ABCC9: variants seen among roughly 807,000 people sequenced by gnomAD.
ABCC9 encodes the protein ATP-binding cassette sub-family C member 9.
A neutral mutation model predicts 188.3 loss-of-function variants in ABCC9; 95 were observed. The observed-to-expected ratio is 0.50, with a 90% CI of 0.43 to 0.60. The LOEUF (loss-of-function observed/expected upper bound fraction) is 0.60, where lower values mean the gene tolerates loss of function less well. Ranked by LOEUF, ABCC9 falls within the 20% of genes least tolerant of loss-of-function variation. ABCC9 has a pLI of 0.00. For missense variants in ABCC9, 1,102 were observed against 1,876.3 expected (o/e 0.59, Z 7.62); for synonymous variants, 659 against 652.7 (o/e 1.01, Z -0.15).
rs1191961292 is a variant in ABCC9 at position 21,799,170 on chromosome 12, C to T, written c.*1874G>A. ...CTAGATGACGAGTTAGTGGGTGCAGCGCACCAGCATGGCACATGTATATAT... is the reference window on the plus strand; with the variant it reads ...CTAGATGACGAGTTAGTGGGTGCAGTGCACCAGCATGGCACATGTATATAT... On this transcript the variant is annotated 3_prime_UTR_variant, in exon 40 of 40. Transcript: ENST00000261200. 13 of 148,388 alleles carry T rather than the reference C, an allele frequency of 8.8e-5. No individual in the cohort carries two copies. Among genetic ancestry groups the T allele is most frequent in the Middle Eastern group, 6.8e-3 (2 of 292 alleles). The allele number at this position is 148,388 out of a possible 1,614,324, so 9.2% of individuals were successfully genotyped here.
At chr12:21,851,199 C>T (rs566521664) in intron 24 of ABCC9, among the ~76,000 whole-genome samples, 1 of 152,210 alleles carries the variant, frequency 6.6e-6, no homozygotes, top group African/African-American at 2.4e-5. Context: ...ACTTTGTACT[C>T]CCAACTCAAG....
intron 6 of ABCC9, among the ~76,000 whole-genome samples, chr12:21,916,670 T>C (rs953320461): frequency 6.6e-6 from 1 of 152,204 alleles, no homozygotes; most frequent in Admixed American, 6.6e-5. Flanking sequence ...CAATTTCTTC[T>C]GTAATATAAA....
Position 21,841,347 on chromosome 12 carries a change from C to CTT in ABCC9, c.3473+965_3473+966dup, listed in dbSNP as rs1174314931. Among the ~76,000 whole-genome samples the CTT allele has an allele frequency of 5.1e-3, 100 of 19,570 alleles. 2 individuals carry two copies. The highest frequency in any genetic ancestry group is 0.011 in the African/African-American group (42 of 3,802). The allele number at this position is 19,570 out of a possible 152,430, so 12.8% of individuals were successfully genotyped here. On this transcript the variant is annotated intron_variant, in intron 29 of 39. Transcript: ENST00000261200. ...TCTTTGGGATTATGTTTCTGGTTTC[C>CTT]TTTTTTTTTTTTTTTTTTTTTTTTT...
At chr12:21,878,083 T>C (rs2137620849) in intron 16 of ABCC9, among the ~76,000 whole-genome samples, 1 of 152,286 alleles carries the variant, frequency 6.6e-6, no homozygotes, top group African/African-American at 2.4e-5. Context: ...TGTCAGTGAC[T>C]GACTAGTCTA....
chr12:21,887,666 T>C (rs1362818429), intron 15 of ABCC9, among the ~76,000 whole-genome samples, 160 bp downstream of exon 15: 1 of 152,176 alleles, frequency 6.6e-6, no homozygotes, highest in Non-Finnish European at 1.5e-5. Flanking sequence ...CGTCTATTGA[T>C]TTTAGACTTG....
chr12:21,839,543 A>T (rs1202902004), intron 29 of ABCC9, among the ~76,000 whole-genome samples: 1 of 152,242 alleles, frequency 6.6e-6, no homozygotes, highest in Non-Finnish European at 1.5e-5. Flanking sequence ...TGATAAAGAT[A>T]TATTCATGAC....
chr12:21,916,529 T>C (rs2137926018), intron 6 of ABCC9, among the ~76,000 whole-genome samples: 1 of 152,328 alleles, frequency 6.6e-6, no homozygotes, highest in African/African-American at 2.4e-5. Context: ...TACATGTTTC[T>C]TCATCAGCAA....
At chr12:21,812,185 C>T in intron 35 of ABCC9, 28 bp from the exon 36 acceptor site, 2 of 1,367,550 alleles carry the variant, frequency 1.5e-6, no homozygotes, top group Non-Finnish European at 2.1e-6. Flanking sequence ...AAGTTACACA[C>T]ACATAGTAAA....
chr12:21,859,945 GAAATGCGAGCAATTCC>G (rs1288246574), intron 21 of ABCC9, among the ~76,000 whole-genome samples: 1 of 152,086 alleles, frequency 6.6e-6, no homozygotes, highest in Non-Finnish European at 1.5e-5. Flanking sequence ...CACTTGCTAG[GAAATGCGAGCAATTCC>G]AAGATTTTTT....
intron 39 of ABCC9, chr12:21,805,124 T>C: frequency 6.2e-7 from 1 of 1,612,852 alleles, no homozygotes; most frequent in Non-Finnish European, 8.5e-7. Flanking sequence ...AGGATACTGC[T>C]AAGATAACTA....
At chr12:21,912,136 T>C (rs576342355) in intron 8 of ABCC9, among the ~76,000 whole-genome samples, 301 of 152,072 alleles carry the variant, frequency 2.0e-3, no homozygotes, top group African/African-American at 6.6e-3. Context: ...TCAGTTCTCA[T>C]ATTGCATAAC....
intron 2 of ABCC9, among the ~76,000 whole-genome samples, chr12:21,937,834 T>C (rs933217163): frequency 6.6e-6 from 1 of 152,144 alleles, no homozygotes; most frequent in African/African-American, 2.4e-5. Context: ...TTATAAACTA[T>C]TTCTTTCCAC....
chr12:21,834,220 T>G (rs1016066628), intron 30 of ABCC9, among the ~76,000 whole-genome samples: 1 of 152,228 alleles, frequency 6.6e-6, no homozygotes, highest in African/African-American at 2.4e-5. Context: ...CTTGATTAAC[T>G]CCAATGATGC....
At position 21,871,438 on chromosome 12, in the gene ABCC9, A is replaced by G. The variant is rs1043501517; in HGVS notation, c.2198+1187T>C. ...AATTCTCAGTCTTCTTCTTTTGCCA[A>G]TGACACTGAAAACAGGATTTACACT... On this transcript the variant is annotated intron_variant, in intron 18 of 39. Transcript: ENST00000261200. Among the ~76,000 whole-genome samples the G allele has an allele frequency of 3.3e-5, 5 of 152,204 alleles. No individual in the cohort carries two copies. In the East Asian group the frequency reaches 5.8e-4, roughly 18 times the overall value.
At position 21,805,304 on chromosome 12, in the gene ABCC9, A is replaced by T. The variant is rs143619038; in HGVS notation, c.4512+694T>A. 2 of 1,613,906 alleles carry T rather than the reference A, an allele frequency of 1.2e-6. No homozygotes were observed. Among genetic ancestry groups the T allele is most frequent in the Non-Finnish European group, 1.7e-6 (2 of 1,179,864 alleles). On this transcript the variant is annotated intron_variant, in intron 39 of 39. Coordinates refer to ENST00000261200, the MANE Select transcript of ABCC9 (RefSeq NM_020297.4). ...AAGGCCTGCATCCATAATAGAAGAG[A>T]CACGGTGCTGGAGAGAAAAATAGAA...
At chr12:21,829,859 T>C (rs1471375424) in intron 30 of ABCC9, among the ~76,000 whole-genome samples, 1 of 152,208 alleles carries the variant, frequency 6.6e-6, no homozygotes, top group Non-Finnish European at 1.5e-5. Flanking sequence ...ACTATGCATT[T>C]GCAATTGGCA....
chr12:21,934,008 T>G lies in ABCC9; in HGVS notation c.143-85A>C, dbSNP rs1486688595. ...AACATAATTTAAATTATGATAAGCT[T>G]TAAGGCAGGGGTGGGGGGGTCCTGA... On this transcript the variant is annotated intron_variant, in intron 3 of 39. Coordinates refer to ENST00000261200, the MANE Select transcript of ABCC9 (RefSeq NM_020297.4). 11 of 1,485,470 alleles carry G rather than the reference T, an allele frequency of 7.4e-6. 1 individual carries two copies. Among genetic ancestry groups the G allele is most frequent in the Non-Finnish European group, 1.0e-5 (11 of 1,074,572 alleles). 92.0% of individuals were successfully genotyped at this position (1,485,470 alleles called of 1,614,324 possible). A position where few individuals can be genotyped will look rare whatever the true frequency, so the allele number is the denominator to read the frequency against.
At chr12:21,811,956 A>T (rs1942273155) in intron 36 of ABCC9, 93 bp downstream of exon 36, 1 of 873,902 alleles carries the variant, frequency 1.1e-6, no homozygotes, top group Admixed American at 1.7e-5. Flanking sequence ...ATATCAGTTC[A>T]CTCATACCTG....
chr12:21,807,535 T>A, intron 37 of ABCC9, 56 bp from the exon 38 acceptor site: 1 of 1,610,608 alleles, frequency 6.2e-7, no homozygotes, highest in Non-Finnish European at 8.5e-7. Context: ...AACATTTACC[T>A]TGGACAAAAT....
Sources: allele counts gnomAD v4.1 joint callset (sites outside exome capture counted in the v4.1 genomes callset), GRCh38; gene constraint gnomAD v4.1.1; transcripts MANE v1.5; gene names NCBI Gene and HGNC (gene_info 2026-07-23, HGNC 2026-07-21).